The following USP9Y variants were observed in gnomAD, a reference collection of about 807,000 sequenced individuals.
The protein encoded by USP9Y is ubiquitin carboxyl-terminal hydrolase 9Y.
A neutral mutation model predicts 53.1 loss-of-function variants in USP9Y; 41 were observed. That is an observed-to-expected ratio of 0.77 (90% CI 0.60 to 1.00). The LOEUF (loss-of-function observed/expected upper bound fraction) is 1.00. USP9Y is among the 50% of genes least tolerant of loss of function. The pLI, the probability that USP9Y is intolerant of heterozygous loss-of-function variation, is 0.00. For synonymous variants in USP9Y, 220 were observed against 173.7 expected, an observed-to-expected ratio of 1.27 and a Z score of -2.09; for missense variants, 567 against 535.8, an observed-to-expected ratio of 1.06 and a Z score of -0.58.
chrY:12,776,315 A>AT, intron 18 of USP9Y, among the ~76,000 whole-genome samples: 1 of 30,379 alleles, frequency 3.3e-5, no homozygotes, highest in Non-Finnish European at 7.9e-5. Flanking sequence ...CTAATTTTGT[A>AT]TTTTTTTAGT....
At chrY:12,797,823 A>G (rs2053515054) in intron 27 of USP9Y, among the ~76,000 whole-genome samples, 1 of 33,407 alleles carries the variant, frequency 3.0e-5, no homozygotes, top group African/African-American at 1.2e-4. Context: ...ACTGAAAAGT[A>G]AGTCACGATA....
chrY:12,765,911 A>G, intron 15 of USP9Y, among the ~76,000 whole-genome samples: 1 of 33,829 alleles, frequency 3.0e-5, no homozygotes, highest in Non-Finnish European at 7.3e-5. Context: ...CAGTGCTTCT[A>G]CTACTTCCTC....
chrY:12,752,963 T>C lies in USP9Y; in HGVS notation c.1423-4229T>C. On this transcript the variant is annotated intron_variant, in intron 12 of 45. Transcript: ENST00000338981. The stretch of plus-strand genomic sequence containing the variant: ...ATGTTTTGCCAAGTGTTTTTTTCTG[T>C]ATCTGTTGCTGTGATAGTGAGTTTT... Among the ~76,000 whole-genome samples the C allele has an allele frequency of 1.2e-4, 4 of 33,513 alleles. No individual in the cohort carries two copies. In the South Asian group the frequency reaches 2.7e-3, roughly 23 times the overall value. The allele number at this position is 33,513 out of a possible 37,273, so 89.9% of individuals were successfully genotyped here.
chrY:12,749,974 T>C (rs748333617), intron 12 of USP9Y, among the ~76,000 whole-genome samples: 113 of 33,929 alleles, frequency 3.3e-3, no homozygotes, highest in Non-Finnish European at 6.4e-3. Flanking sequence ...TCAGTTTGTA[T>C]TGTACTACCA....
At chrY:12,785,288 C>T (rs2053500694) in intron 22 of USP9Y, among the ~76,000 whole-genome samples, 1 of 33,195 alleles carries the variant, frequency 3.0e-5, no homozygotes, top group South Asian at 6.5e-4. Context: ...TTGTTTCGCT[C>T]AGTAATGTCC....
At chrY:12,770,748 G>A in intron 15 of USP9Y, among the ~76,000 whole-genome samples, 1 of 32,897 alleles carries the variant, frequency 3.0e-5, no homozygotes, top group Non-Finnish European at 7.5e-5. Flanking sequence ...GAAATATTTT[G>A]CCTACAAAGA....
At position 12,790,489 on chromosome Y, in the gene USP9Y, T is replaced by C; in HGVS notation, c.3644T>C (p.Leu1215Pro). ...SIPNPSSECV[L>P]RNESILLAQE... is the part of the protein sequence containing the mutation. ...CCTAATCCCTCATCCGAGTGCGTAC[T>C]TAGAAATGAGTCCATACTTCTTGCT... is the stretch of plus-strand genomic sequence containing the variant. Residue 1215 changes from leucine (L) to proline (P), a missense_variant, in exon 25 of 46, where the codon CTT becomes CCT. Transcript: ENST00000338981. The C allele has an allele frequency of 2.5e-6, 1 of 396,261 alleles. No individual in the cohort carries two copies. Among genetic ancestry groups the C allele is most frequent in the Non-Finnish European group, 3.6e-6 (1 of 281,338 alleles).
chrY:12,766,504 A>G (rs767542086), intron 15 of USP9Y, among the ~76,000 whole-genome samples: 45 of 33,560 alleles, frequency 1.3e-3, no homozygotes, highest in Admixed American at 3.8e-3. Context: ...GGGTTCTTCT[A>G]CTTGTCAAGC....
intron 27 of USP9Y, among the ~76,000 whole-genome samples, chrY:12,806,625 G>T (rs2053524765): frequency 3.0e-5 from 1 of 33,783 alleles, no homozygotes; most frequent in Non-Finnish European, 7.4e-5. Context: ...AGGCATTTTT[G>T]CTTGAAGTAT....
chrY:12,811,791 T>C lies in USP9Y; in HGVS notation c.4386+10T>C, dbSNP rs1276046615. The C allele has an allele frequency of 3.2e-5, 12 of 378,772 alleles. No individual in the cohort carries two copies. The highest frequency in any genetic ancestry group is 4.1e-5 in the Non-Finnish European group (11 of 269,772). The allele number at this position is 378,772 out of a possible 400,897, so 94.5% of individuals were successfully genotyped here. ...TGCTAATCTCATTAAAGTAAGTACT[T>C]TTTTTTTTCTTTTTTTGAGATGGAG... On this transcript the variant is annotated intron_variant, in intron 30 of 45. Transcript: ENST00000338981.
At chrY:12,815,678 G>C in intron 31 of USP9Y, among the ~76,000 whole-genome samples, 5 of 33,757 alleles carry the variant, frequency 1.5e-4, no homozygotes, top group Non-Finnish European at 2.9e-4. Flanking sequence ...ATGGGTTCAA[G>C]CGATTCTCCT....
At chrY:12,858,294 T>G in intron 45 of USP9Y, among the ~76,000 whole-genome samples, 1 of 32,220 alleles carries the variant, frequency 3.1e-5, no homozygotes, top group Non-Finnish European at 7.5e-5. Context: ...GTCCAGAAAT[T>G]GTCACTCTAC....
At chrY:12,728,920 G>C in intron 7 of USP9Y, among the ~76,000 whole-genome samples, 1 of 33,369 alleles carries the variant, frequency 3.0e-5, no homozygotes, top group Non-Finnish European at 7.4e-5. Flanking sequence ...TTGTTTGTTT[G>C]TTTTTGTTTT....
At chrY:12,826,705 G>GAA (rs782619044) in intron 33 of USP9Y, among the ~76,000 whole-genome samples, 28 of 8,529 alleles carry the variant, frequency 3.3e-3, no homozygotes, top group African/African-American at 5.8e-3. Flanking sequence ...AATGAAGTTG[G>GAA]AAAAAAAAAA....
chrY:12,747,609 A>C, intron 12 of USP9Y, among the ~76,000 whole-genome samples: 2 of 34,473 alleles, frequency 5.8e-5, no homozygotes, highest in Non-Finnish European at 1.5e-4. Flanking sequence ...TCATTAATTA[A>C]AACTTTACAG....
At chrY:12,790,837 G>A in intron 25 of USP9Y, among the ~76,000 whole-genome samples, 1 of 33,223 alleles carries the variant, frequency 3.0e-5, no homozygotes. Context: ...GGAATAGGAC[G>A]TTTATAATGG....
At chrY:12,755,824 T>G in intron 12 of USP9Y, among the ~76,000 whole-genome samples, 1 of 33,244 alleles carries the variant, frequency 3.0e-5, no homozygotes, top group East Asian at 7.9e-4. Context: ...CTGTTTTCCT[T>G]GATTTTTGTC....
In USP9Y at chrY:12,818,438, G is replaced by A; in HGVS notation, c.4849G>A (p.Asp1617Asn). The A allele has an allele frequency of 5.0e-6, 2 of 397,537 alleles. No homozygotes were observed. Among genetic ancestry groups the A allele is most frequent in the Non-Finnish European group, 7.1e-6 (2 of 282,512 alleles). Reference protein sequence around the residue: ...QDSESNVDPRDDVFGYPHQFE... With the variant: ...QDSESNVDPRNDVFGYPHQFE... ...TCTCTAGAGTAATGTTGATCCCCGAGATGATGTATTTGGATATCCTCATCA... is the reference window on the plus strand; with the variant it reads ...TCTCTAGAGTAATGTTGATCCCCGAAATGATGTATTTGGATATCCTCATCA... Residue 1617 changes from aspartate to asparagine, a missense_variant, in exon 33 of 46, where the codon GAT becomes AAT. Coordinates refer to ENST00000338981, the MANE Select transcript of USP9Y (RefSeq NM_004654.4).
chrY:12,742,255 C>T, intron 12 of USP9Y, among the ~76,000 whole-genome samples: 1 of 33,039 alleles, frequency 3.0e-5, no homozygotes, highest in Admixed American at 2.7e-4. Context: ...AGTGCAAACC[C>T]AAAGAGTGAG....
Sources: allele counts gnomAD v4.1 joint callset (sites outside exome capture counted in the v4.1 genomes callset), GRCh38; gene constraint gnomAD v4.1.1; transcripts MANE v1.5; gene names NCBI Gene and HGNC (gene_info 2026-07-23, HGNC 2026-07-21).